Variants in JCAD observed in about 807,000 individuals in gnomAD.
JCAD encodes junctional cadherin 5-associated protein.
A neutral mutation model predicts 98.0 loss-of-function variants in JCAD; 40 were observed. The ratio of observed to expected loss-of-function variants is 0.41; its 90% confidence interval spans 0.32 to 0.53. The LOEUF (loss-of-function observed/expected upper bound fraction) is 0.53. Ranked by LOEUF, JCAD falls within the 20% of genes least tolerant of loss-of-function variation. JCAD has a pLI of 0.31. For synonymous variants in JCAD, 691 were observed against 682.3 expected (o/e 1.01, Z -0.20); for missense variants, 1,705 against 1,738.1 (o/e 0.98, Z 0.34).
chr10:30,017,550 C>G lies in JCAD; in HGVS notation c.*333G>C. On this transcript the variant is annotated 3_prime_UTR_variant, in exon 4 of 4. Coordinates refer to ENST00000375377, the MANE Select transcript of JCAD (RefSeq NM_020848.4). ...TTTGCTAGATCTTCCACATTGAAAT[C>G]TTCACCCAGAATGAGAGCAACACCA... 1 of 394,172 alleles carries G rather than the reference C, an allele frequency of 2.5e-6. No individual in the cohort carries two copies. Among genetic ancestry groups the G allele is most frequent in the Non-Finnish European group, 4.6e-6 (1 of 218,460 alleles). 24.4% of individuals were successfully genotyped at this position (394,172 alleles called of 1,614,324 possible).
chr10:30,062,607 T>G (rs945028010), upstream of JCAD, among the ~76,000 whole-genome samples: 4 of 152,124 alleles, frequency 2.6e-5, no homozygotes, highest in Non-Finnish European at 5.9e-5. Flanking sequence ...AGAGGTTTAA[T>G]GGACTCACAG....
intron 3 of JCAD, among the ~76,000 whole-genome samples, chr10:30,025,631 G>A (rs1208273670): frequency 6.7e-6 from 1 of 148,466 alleles, no homozygotes; most frequent in Non-Finnish European, 1.5e-5. Context: ...CTTATGATGT[G>A]GATCTTTTGA....
chr10:30,108,897 G>A (rs1244053850), intron 1 of JCAD, among the ~76,000 whole-genome samples: 1 of 151,806 alleles, frequency 6.6e-6, no homozygotes, highest in Admixed American at 6.6e-5. Flanking sequence ...CTTTTGGCAA[G>A]TTTTTGTAAG....
rs755361309 is a variant in JCAD at position 30,028,017 on chromosome 10, C to T, written c.2131G>A (p.Gly711Arg). The change falls in exon 3 of 4, where the codon GGA (glycine) becomes AGA (arginine). Residue 711 changes from glycine to arginine, a missense_variant. Gly to Arg is a moderately radical substitution (Grantham distance 125). This residue lies in a region of JCAD where 1,278 missense variants were observed against 1,243.1 expected (regional missense o/e 1.03). Transcript: ENST00000375377. ...CTCAATGCTGCACGACTCGGCCCTC[C>T]CAGCTTTGCACCAGGGAGCAGCTGC... Reference protein sequence around the residue: ...SSQLLPGAKLGGPSRAALSPK... With the variant: ...SSQLLPGAKLRGPSRAALSPK... 8 of 1,614,228 alleles carry T rather than the reference C, an allele frequency of 5.0e-6. No individual in the cohort carries two copies. In the South Asian group the frequency reaches 8.8e-5, roughly 18 times the overall value.
At chr10:30,085,769 A>G (rs929676809) in intron 1 of JCAD, among the ~76,000 whole-genome samples, 1 of 152,220 alleles carries the variant, frequency 6.6e-6, no homozygotes, top group East Asian at 1.9e-4. Flanking sequence ...GTCATGACTT[A>G]GTTACCTATT....
intron 1 of JCAD, among the ~76,000 whole-genome samples, chr10:30,055,267 T>A (rs1018352496): frequency 2.6e-5 from 4 of 152,252 alleles, no homozygotes; most frequent in Non-Finnish European, 5.9e-5. Flanking sequence ...ATGCTTAAGA[T>A]GTAATTGGTC....
At chr10:30,063,962 G>A (rs535979579), upstream of JCAD, among the ~76,000 whole-genome samples, 196 of 152,012 alleles carry the variant, frequency 1.3e-3, no homozygotes, top group African/African-American at 4.7e-3. Context: ...AAGTGCCATC[G>A]CACCCAGAAA....
intron 1 of JCAD, among the ~76,000 whole-genome samples, chr10:30,079,389 C>A (rs1325365943): frequency 1.3e-5 from 2 of 150,434 alleles, no homozygotes; most frequent in Non-Finnish European, 3.0e-5. Flanking sequence ...ATCACAGGGG[C>A]TTCTGGTGAA....
intron 1 of JCAD, among the ~76,000 whole-genome samples, chr10:30,050,497 G>A (rs1837446826): frequency 6.6e-6 from 1 of 152,000 alleles, no homozygotes; most frequent in Admixed American, 6.6e-5. Flanking sequence ...CTCTTACTAT[G>A]CCGGGCTCTT....
chr10:30,112,663 G>A (rs1328291759), intron 1 of JCAD, among the ~76,000 whole-genome samples: 1 of 151,994 alleles, frequency 6.6e-6, no homozygotes, highest in Non-Finnish European at 1.5e-5. Flanking sequence ...CCTGAAGTCA[G>A]GAGATCGAGA....
chr10:30,092,127 A>AAT (rs1404067130), intron 1 of JCAD, among the ~76,000 whole-genome samples: 1 of 80,902 alleles, frequency 1.2e-5, no homozygotes, highest in African/African-American at 5.8e-5. Context: ...TATATATATA[A>AAT]AAAACATTTT....
At position 30,027,875 on chromosome 10, in the gene JCAD, G is replaced by T. The variant is rs752405782; in HGVS notation, c.2273C>A (p.Pro758Gln). 1.2e-6 allele frequency: 2 copies of T among 1,614,120 alleles called. No individual in the cohort carries two copies. Among genetic ancestry groups the T allele is most frequent in the African/African-American group, 2.7e-5 (2 of 74,954 alleles). The change falls in exon 3 of 4, where the codon CCA becomes CAA. Residue 758 changes from proline to glutamine, a missense_variant. Physicochemically the swap from Pro to Gln is moderately conservative, Grantham distance 76. Around this residue, in one of 3 missense-constraint regions of JCAD, gnomAD observed 1,278 missense variants for 1,243.1 expected, o/e 1.03. Coordinates refer to ENST00000375377, the MANE Select transcript of JCAD (RefSeq NM_020848.4). ...CCTTGAGAACGCACTGTTGCTGGAT[G>T]GGCTGAGGGACCTGTGACCTTTCAG... ...RNLKGHRSLS[P>Q]SSNSAFSRTS... is the part of the protein sequence containing the mutation.
chr10:30,105,758 C>T (rs1838566415), intron 1 of JCAD, among the ~76,000 whole-genome samples: 1 of 152,156 alleles, frequency 6.6e-6, no homozygotes, highest in South Asian at 2.1e-4. Flanking sequence ...TCACATAATG[C>T]TTGTCAAAGC....
chr10:30,029,456 G>T lies in JCAD; in HGVS notation c.692C>A (p.Ser231Ter). 6.2e-7 allele frequency: 1 copy of T among 1,614,186 alleles called. No homozygotes were observed. Among genetic ancestry groups the T allele is most frequent in the Non-Finnish European group, 8.5e-7 (1 of 1,180,036 alleles). Residue 231 changes from serine to a stop codon, truncating the protein, a stop_gained, in exon 3 of 4, where the codon TCA becomes TAA. Transcript: ENST00000375377. LOFTEE classifies it high-confidence loss of function. The stretch of plus-strand genomic sequence containing the variant: ...CTCGGGGGAAAGAACTCTAGGCAGT[G>T]AGCGAGACTTCCCTTTGTTTTGAGA... ...LNSQNKGKSR[S>*]LPRVLSPESL...
At chr10:30,037,259 G>T (rs115667814) in intron 2 of JCAD, among the ~76,000 whole-genome samples, 176 of 152,290 alleles carry the variant, frequency 1.2e-3, no homozygotes, top group African/African-American at 4.1e-3. Context: ...GGTCTATTCA[G>T]TATACCACCC....
At chr10:30,022,080 C>G (rs533070576) in intron 3 of JCAD, among the ~76,000 whole-genome samples, 1 of 152,278 alleles carries the variant, frequency 6.6e-6, no homozygotes, top group Admixed American at 6.5e-5. Flanking sequence ...GATGACACTT[C>G]CGAATTGGAG....
upstream of JCAD, among the ~76,000 whole-genome samples, chr10:30,063,810 G>T (rs138991349): frequency 6.6e-6 from 1 of 151,170 alleles, no homozygotes; most frequent in African/African-American, 2.5e-5. Flanking sequence ...TGAGAGATGG[G>T]ATCTTTTTTT....
chr10:30,077,209 A>T (rs1837997268), intron 1 of JCAD, among the ~76,000 whole-genome samples: 1 of 152,206 alleles, frequency 6.6e-6, no homozygotes. Context: ...TATTGGGAAC[A>T]GAGATGCCTA....
intron 3 of JCAD, among the ~76,000 whole-genome samples, chr10:30,022,833 A>G (rs1244332645): frequency 6.6e-6 from 1 of 152,148 alleles, no homozygotes; most frequent in Non-Finnish European, 1.5e-5. Context: ...TTTTTAAACA[A>G]ATGTGGTGTA....
Sources: allele counts gnomAD v4.1 joint callset (sites outside exome capture counted in the v4.1 genomes callset), GRCh38; gene constraint gnomAD v4.1.1; regional missense constraint gnomAD v4.1.1; transcripts MANE v1.5; gene names NCBI Gene and HGNC (gene_info 2026-07-23, HGNC 2026-07-21).